Variants in TMEM135 observed in about 807,000 individuals in gnomAD.
TMEM135 encodes transmembrane protein 135, also known as peroxisomal membrane protein 52.
TMEM135 carries 30 observed loss-of-function variants against 60.3 expected under a neutral mutation model. That is an observed-to-expected ratio of 0.50 (90% CI 0.37 to 0.68). TMEM135 has a LOEUF of 0.68. Among genes scored for constraint, TMEM135 ranks in the 30% least tolerant of loss-of-function variants. The probability of loss-of-function intolerance (pLI) is 0.00; values close to 1 mark genes in which losing one functional copy is unlikely to be tolerated. For synonymous variants in TMEM135, 190 were observed against 186.7 expected, an observed-to-expected ratio of 1.02 and a Z score of -0.14; for missense variants, 468 against 548.8, an observed-to-expected ratio of 0.85 and a Z score of 1.47.
intron 5 of TMEM135, among the ~76,000 whole-genome samples, chr11:87,189,103 CCCTTTT>C (rs1276552528): frequency 1.5e-5 from 2 of 135,926 alleles, no homozygotes; most frequent in Non-Finnish European, 3.3e-5. Flanking sequence ...TTTTCCGTTT[CCCTTTT>C]CCTTTTCCTT....
At chr11:87,310,624 TAAAA>T (rs11317985) in intron 10 of TMEM135, among the ~76,000 whole-genome samples, 1 of 130,460 alleles carries the variant, frequency 7.7e-6, no homozygotes. Flanking sequence ...AAGTTGCAAT[TAAAA>T]AAAAAAAAAA....
chr11:87,172,391 T>G (rs1478350415), intron 5 of TMEM135, among the ~76,000 whole-genome samples: 1 of 151,658 alleles, frequency 6.6e-6, no homozygotes, highest in Non-Finnish European at 1.5e-5. Context: ...GTATTAAGGT[T>G]TGTTGCTGTT....
chr11:87,252,623 T>C (rs568569028), intron 6 of TMEM135, among the ~76,000 whole-genome samples: 2 of 151,602 alleles, frequency 1.3e-5, no homozygotes, highest in African/African-American at 2.4e-5. Context: ...AAATACAAAA[T>C]TAGCCAGGCA....
At chr11:87,273,043 C>T (rs1031361439) in intron 6 of TMEM135, among the ~76,000 whole-genome samples, 3 of 152,082 alleles carry the variant, frequency 2.0e-5, no homozygotes, top group Non-Finnish European at 4.4e-5. Context: ...TTTCTTCCAT[C>T]TTATTATTGT....
At chr11:87,168,470 C>T (rs1939131352) in intron 5 of TMEM135, among the ~76,000 whole-genome samples, 1 of 152,102 alleles carries the variant, frequency 6.6e-6, no homozygotes, top group Non-Finnish European at 1.5e-5. Context: ...CTAAAGACTC[C>T]TTTAGCTGTG....
In TMEM135 at chr11:87,066,489, T is replaced by G. The variant is rs530602063; in HGVS notation, c.142-1205T>G. Reference sequence around the variant, plus strand: ...GCTTTATTTCCTGGAACGTTAATAGTCTGCTCAATAAATACTTAGATTTCA... The same window carrying G: ...GCTTTATTTCCTGGAACGTTAATAGGCTGCTCAATAAATACTTAGATTTCA... On this transcript the variant is annotated intron_variant, in intron 1 of 14. Coordinates refer to ENST00000305494, the MANE Select transcript of TMEM135 (RefSeq NM_022918.4). Among the ~76,000 whole-genome samples, 6 of 152,050 alleles carry G rather than the reference T, an allele frequency of 3.9e-5. No homozygotes were observed. In the East Asian group the frequency reaches 1.2e-3, roughly 29 times the overall value.
At position 87,133,957 on chromosome 11, in the gene TMEM135, T is replaced by A. The variant is rs182630161; in HGVS notation, c.397-23384T>A. 1.6e-4 allele frequency among the ~76,000 whole-genome samples: 24 copies of A among 152,238 alleles called. 1 individual carries two copies. Reference sequence around the variant, plus strand: ...TATTTGGGTTGTTTCTAGGATTTGATGATTATGAGTAAAGCTGCTACAGAA... The same window carrying A: ...TATTTGGGTTGTTTCTAGGATTTGAAGATTATGAGTAAAGCTGCTACAGAA... On this transcript the variant is annotated intron_variant, in intron 4 of 14. Transcript: ENST00000305494.
intron 5 of TMEM135, among the ~76,000 whole-genome samples, chr11:87,183,251 T>G (rs2135305883): frequency 6.7e-6 from 1 of 150,022 alleles, no homozygotes; most frequent in East Asian, 2.0e-4. Flanking sequence ...CAAGCGATTC[T>G]CCTGCCTCAG....
chr11:87,246,151 C>G (rs192228799), intron 6 of TMEM135, among the ~76,000 whole-genome samples: 1 of 131,716 alleles, frequency 7.6e-6, no homozygotes, highest in Non-Finnish European at 1.6e-5. Flanking sequence ...GTTGAAAATT[C>G]TTTTCTTTAA....
At chr11:87,068,996 T>G (rs1856720825) in intron 2 of TMEM135, among the ~76,000 whole-genome samples, 1 of 151,834 alleles carries the variant, frequency 6.6e-6, no homozygotes, top group Non-Finnish European at 1.5e-5. Flanking sequence ...CTCTTTATCA[T>G]GTGCTCTCTA....
chr11:87,211,258 A>T (rs1940362511), intron 5 of TMEM135, among the ~76,000 whole-genome samples: 2 of 152,192 alleles, frequency 1.3e-5, no homozygotes, highest in African/African-American at 2.4e-5. Flanking sequence ...ATGAAGTTGG[A>T]TTTTGTTATT....
chr11:87,260,999 A>G (rs1398423482), intron 6 of TMEM135, among the ~76,000 whole-genome samples: 1 of 152,182 alleles, frequency 6.6e-6, no homozygotes, highest in Non-Finnish European at 1.5e-5. Context: ...TCACATCAGG[A>G]AATAACTTCT....
chr11:87,275,723 C>T (rs532408839), intron 6 of TMEM135, among the ~76,000 whole-genome samples: 64 of 152,082 alleles, frequency 4.2e-4, no homozygotes, highest in Admixed American at 2.5e-3. Context: ...TACAGTGGCG[C>T]GATCTCAGCT....
At chr11:87,307,600 A>G (rs1233501984) in intron 9 of TMEM135, among the ~76,000 whole-genome samples, 6 of 152,200 alleles carry the variant, frequency 3.9e-5, no homozygotes, top group Admixed American at 2.0e-4. Context: ...TCCAAGCAAT[A>G]AAAAACTAGT....
At position 87,323,268 on chromosome 11, in the gene TMEM135, AAAATG is replaced by A. The variant is rs1490482887; in HGVS notation, c.*1940_*1944del. 2.2e-5 allele frequency: 10 copies of A among 453,780 alleles called. No homozygotes were observed. Among genetic ancestry groups the A allele is most frequent in the South Asian group, 1.6e-4 (10 of 64,354 alleles). The allele number at this position is 453,780 out of a possible 1,614,324, so 28.1% of individuals were successfully genotyped here. A position where few individuals can be genotyped will look rare whatever the true frequency, so the allele number is the denominator to read the frequency against. ...TTTTTTTAAATTTTATGTAAAATGT[AAAATG>A]AAATAGCTATCATGAAGCAGAATAC... is the stretch of plus-strand genomic sequence containing the variant. On this transcript the variant is annotated 3_prime_UTR_variant, in exon 15 of 15. Coordinates refer to ENST00000305494, the MANE Select transcript of TMEM135 (RefSeq NM_022918.4).
chr11:87,322,908 C>T lies in TMEM135; in HGVS notation c.*1575C>T, dbSNP rs1060174. Reference sequence around the variant, plus strand: ...TGGCAATGCTGTTAAAGGATCATTTCGGTTTCAGACTTCAAAGTTGATTAA... The same window carrying T: ...TGGCAATGCTGTTAAAGGATCATTTTGGTTTCAGACTTCAAAGTTGATTAA... On this transcript the variant is annotated 3_prime_UTR_variant, in exon 15 of 15. Coordinates refer to ENST00000305494, the MANE Select transcript of TMEM135 (RefSeq NM_022918.4). 0.028 allele frequency: 12,655 copies of T among 454,314 alleles called. 228 individuals are homozygous for T. The highest frequency in any genetic ancestry group is 0.041 in the Admixed American group (1,739 of 42,542). 28.1% of individuals were successfully genotyped at this position (454,314 alleles called of 1,614,324 possible). A position where few individuals can be genotyped will look rare whatever the true frequency, so the allele number is the denominator to read the frequency against.
intron 1 of TMEM135, among the ~76,000 whole-genome samples, chr11:87,039,510 A>G (rs1949732918): frequency 6.6e-6 from 1 of 152,184 alleles, no homozygotes; most frequent in Non-Finnish European, 1.5e-5. Flanking sequence ...TTTCTTTGGC[A>G]AAGATTCATG....
chr11:87,153,782 G>A (rs77538094), intron 4 of TMEM135, among the ~76,000 whole-genome samples: 81 of 152,062 alleles, frequency 5.3e-4, no homozygotes, highest in African/African-American at 1.9e-3. Context: ...ATAATTGTTC[G>A]ATAAATTCTA....
chr11:87,207,195 T>G (rs983768630), intron 5 of TMEM135, among the ~76,000 whole-genome samples: 4 of 152,156 alleles, frequency 2.6e-5, no homozygotes, highest in Admixed American at 2.6e-4. Context: ...ATATTTTACA[T>G]TGGAGCTTTG....
Sources: gnomAD v4.1 joint callset for allele counts (sites outside exome capture counted in the v4.1 genomes callset) on GRCh38, gnomAD v4.1.1 for gene constraint, MANE v1.5 for transcripts, NCBI Gene and HGNC (gene_info 2026-07-23, HGNC 2026-07-21) for gene names.